HYCC2: variants seen among roughly 807,000 people sequenced by gnomAD.
The protein encoded by HYCC2 is hyccin PI4KA lipid kinase complex subunit 2, also known as hyccin 2.
the HYCC2 span, chr2:201,063,229 A>C: frequency 6.2e-7 from 1 of 1,601,396 alleles, no homozygotes; most frequent in Non-Finnish European, 8.5e-7. Context: ...TGGTAATGAG[A>C]GATCCAAACA....
the HYCC2 span, among the ~76,000 whole-genome samples, chr2:201,002,317 C>T: frequency 6.7e-6 from 1 of 149,690 alleles, no homozygotes; most frequent in Non-Finnish European, 1.5e-5. Flanking sequence ...CATGAATATG[C>T]AGTTCATAGG....
chr2:201,003,577 C>T, the HYCC2 span, among the ~76,000 whole-genome samples: 11 of 151,646 alleles, frequency 7.3e-5, no homozygotes, highest in Admixed American at 5.9e-4. Context: ...GGCATGGTGG[C>T]GTGCGCCTGT....
chr2:200,978,999 A>T, the HYCC2 span: 1 of 151,834 alleles, frequency 6.6e-6, no homozygotes, highest in Non-Finnish European at 1.5e-5. Context: ...AAAGTGACTG[A>T]CCTCCAGCCA....
the HYCC2 span, among the ~76,000 whole-genome samples, chr2:201,071,166 T>C: frequency 2.0e-5 from 3 of 152,150 alleles, no homozygotes; most frequent in Admixed American, 6.5e-5. Flanking sequence ...CCAGTAAATA[T>C]TTTTCTTCTC....
At chr2:201,067,660 T>C in the HYCC2 span, among the ~76,000 whole-genome samples, 2 of 152,226 alleles carry the variant, frequency 1.3e-5, no homozygotes, top group Non-Finnish European at 2.9e-5. Context: ...TAAACATATT[T>C]GCAATGCCAA....
the HYCC2 span, among the ~76,000 whole-genome samples, chr2:201,020,188 C>T: frequency 5.3e-5 from 8 of 152,128 alleles, no homozygotes; most frequent in East Asian, 1.5e-3. Flanking sequence ...TTCTGACCTC[C>T]CTTAAATGGC....
the HYCC2 span, among the ~76,000 whole-genome samples, chr2:200,993,444 A>G: frequency 1.3e-4 from 20 of 152,218 alleles, no homozygotes; most frequent in African/African-American, 4.8e-4. Flanking sequence ...AAAGAACTAT[A>G]AACAACTCCC....
chr2:201,026,571 T>A, the HYCC2 span, among the ~76,000 whole-genome samples: 2 of 152,056 alleles, frequency 1.3e-5, no homozygotes, highest in Admixed American at 1.3e-4. Context: ...GAAGTAAAGC[T>A]CTCCTCAGCA....
At chr2:201,051,920 G>C in the HYCC2 span, among the ~76,000 whole-genome samples, 1 of 152,322 alleles carries the variant, frequency 6.6e-6, no homozygotes, top group Non-Finnish European at 1.5e-5. Flanking sequence ...TAAGGAAGGA[G>C]AAAAGTGTGA....
chr2:200,995,981 A>C, the HYCC2 span: 2 of 150,266 alleles, frequency 1.3e-5, no homozygotes, highest in African/African-American at 4.9e-5. Context: ...GCCTCTAAAC[A>C]TCCATTGTCT....
chr2:201,023,866 G>C, the HYCC2 span: 1 of 921,758 alleles, frequency 1.1e-6, no homozygotes, highest in South Asian at 1.5e-5. Context: ...TTTCTCCATA[G>C]AGCACATAAT....
chr2:201,056,977 T>C, the HYCC2 span, among the ~76,000 whole-genome samples: 2 of 152,234 alleles, frequency 1.3e-5, no homozygotes, highest in Non-Finnish European at 2.9e-5. Flanking sequence ...ATGCCCTGAA[T>C]TGGACCAACA....
the HYCC2 span, among the ~76,000 whole-genome samples, chr2:201,006,130 CT>C: frequency 1.8e-3 from 208 of 118,222 alleles, no homozygotes; most frequent in Admixed American, 2.0e-3. Context: ...TCGCGCCTGG[CT>C]TTTTTTTTTT....
chr2:200,979,491 A>C, the HYCC2 span: 7 of 152,500 alleles, frequency 4.6e-5, no homozygotes, highest in African/African-American at 1.7e-4. Flanking sequence ...GGAAAAAAGA[A>C]AGTCCTTACA....
At chr2:200,992,994 C>T in the HYCC2 span, 3 of 1,608,434 alleles carry the variant, frequency 1.9e-6, no homozygotes, top group Non-Finnish European at 2.6e-6. Flanking sequence ...GAAAGCCACT[C>T]ACACAAACCC....
At chr2:201,029,888 C>G in the HYCC2 span, among the ~76,000 whole-genome samples, 2 of 152,128 alleles carry the variant, frequency 1.3e-5, no homozygotes, top group African/African-American at 4.8e-5. Flanking sequence ...ATGTAACAAA[C>G]CTGCACGTTG....
chr2:201,009,880 G>C, the HYCC2 span, among the ~76,000 whole-genome samples: 1 of 151,984 alleles, frequency 6.6e-6, no homozygotes, highest in East Asian at 2.0e-4. Flanking sequence ...AAGGTGGGCA[G>C]ATCAAGAGGT....
chr2:200,992,801 T>C, the HYCC2 span: 6 of 846,332 alleles, frequency 7.1e-6, no homozygotes, highest in Admixed American at 2.1e-5. Flanking sequence ...AGATTCAGTA[T>C]TGTGTCGGAT....
chr2:200,999,616 C>T, the HYCC2 span, among the ~76,000 whole-genome samples: 1 of 150,740 alleles, frequency 6.6e-6, no homozygotes, highest in Non-Finnish European at 1.5e-5. Flanking sequence ...TCTCGAACTC[C>T]TGACCTCAGG....
Sources: gnomAD v4.1 joint callset for allele counts (sites outside exome capture counted in the v4.1 genomes callset) on GRCh38, gnomAD v4.1.1 for gene constraint, MANE v1.5 for transcripts, NCBI Gene and HGNC (gene_info 2026-07-23, HGNC 2026-07-21) for gene names.